Variants in CHRM3 observed in about 807,000 individuals in gnomAD.
CHRM3 encodes muscarinic acetylcholine receptor M3.
A neutral mutation model predicts 41.8 loss-of-function variants in CHRM3; 11 were observed. The observed-to-expected ratio is 0.26, with a 90% CI of 0.17 to 0.44. The LOEUF (loss-of-function observed/expected upper bound fraction) is 0.44, where lower values mean the gene tolerates loss of function less well. Ranked by LOEUF, CHRM3 falls within the 20% of genes least tolerant of loss-of-function variation. The pLI is 1.00. For missense variants in CHRM3, 571 were observed against 745.4 expected, an observed-to-expected ratio of 0.77 and a Z score of 2.72; for synonymous variants, 297 against 301.4, an observed-to-expected ratio of 0.99 and a Z score of 0.15.
chr1:239,508,652 G>A (rs1309729855), intron 2 of CHRM3, among the ~76,000 whole-genome samples: 5 of 152,126 alleles, frequency 3.3e-5, no homozygotes, highest in African/African-American at 7.2e-5. Context: ...ACGTTCTTAC[G>A]AAATCAGCCC....
At chr1:239,572,848 G>A (rs1206504363) in intron 3 of CHRM3, among the ~76,000 whole-genome samples, 13 of 152,146 alleles carry the variant, frequency 8.5e-5, no homozygotes, top group Admixed American at 8.5e-4. Context: ...ATTCCACAAA[G>A]CACTTCAGAG....
At chr1:239,851,983 A>G (rs1221957082) in intron 6 of CHRM3, among the ~76,000 whole-genome samples, 1 of 152,124 alleles carries the variant, frequency 6.6e-6, no homozygotes, top group Non-Finnish European at 1.5e-5. Context: ...TATTTTAACA[A>G]AATTCCTGGG....
At chr1:239,667,307 C>A (rs1015420011) in intron 4 of CHRM3, among the ~76,000 whole-genome samples, 6 of 152,148 alleles carry the variant, frequency 3.9e-5, no homozygotes, top group African/African-American at 1.2e-4. Context: ...TGTTCCCTTG[C>A]CTTATAAAAA....
intron 3 of CHRM3, among the ~76,000 whole-genome samples, chr1:239,602,090 A>ATATGTGTGTGTG (rs371232279): frequency 0.029 from 3,793 of 131,078 alleles, 136 homozygotes; most frequent in East Asian, 0.13. Flanking sequence ...ACATATATAC[A>ATATGTGTGTGTG]TGTGTGTGTG....
At chr1:239,417,219 A>G (rs1391327234) in intron 1 of CHRM3, among the ~76,000 whole-genome samples, 1 of 152,240 alleles carries the variant, frequency 6.6e-6, no homozygotes. Context: ...TGTTTTCAAA[A>G]GGAAAAATGT....
intron 1 of CHRM3, among the ~76,000 whole-genome samples, chr1:239,435,203 G>GCA (rs78457339): frequency 0.29 from 43,353 of 151,952 alleles, 6,289 homozygotes; most frequent in South Asian, 0.32. Flanking sequence ...TGTAATCCCA[G>GCA]CACTTCGGGA....
chr1:239,466,460 A>G (rs1665738938), intron 1 of CHRM3, among the ~76,000 whole-genome samples: 1 of 152,204 alleles, frequency 6.6e-6, no homozygotes, highest in Non-Finnish European at 1.5e-5. Context: ...CTTCTGGTTA[A>G]CAATAAACAA....
At chr1:239,722,591 C>T (rs1663077146) in intron 5 of CHRM3, among the ~76,000 whole-genome samples, 2 of 151,844 alleles carry the variant, frequency 1.3e-5, no homozygotes, top group African/African-American at 4.8e-5. Flanking sequence ...TCATTAAGCA[C>T]TCTGAGCAAT....
At chr1:239,552,538 T>G (rs61836572) in intron 3 of CHRM3, among the ~76,000 whole-genome samples, 40,258 of 146,690 alleles carry the variant, frequency 0.27, 6,598 homozygotes, top group Middle Eastern at 0.51. Context: ...ATAAGCTCAC[T>G]GCAGCCTCAA....
chr1:239,795,038 C>A (rs753764902), intron 5 of CHRM3, among the ~76,000 whole-genome samples: 1 of 152,134 alleles, frequency 6.6e-6, no homozygotes, highest in South Asian at 2.1e-4. Context: ...ACTAACCAAT[C>A]TTTATGATAT....
rs1363837726 is a variant in CHRM3, at chr1:239,909,066, G to A, written c.1615G>A (p.Val539Met). ...GYWLCYINST[V>M]NPVCYALCNK... The stretch of plus-strand genomic sequence containing the variant: ...CTGGCTGTGCTACATCAACAGCACC[G>A]TGAACCCCGTGTGCTATGCTCTGTG... Residue 539 changes from valine to methionine, a missense_variant, in exon 7 of 7, where the codon GTG becomes ATG. Around this residue, in one of 5 missense-constraint regions of CHRM3, gnomAD observed 43 missense variants for 93.7 expected, o/e 0.46. Transcript: ENST00000676153. The A allele has an allele frequency of 7.4e-6, 12 of 1,613,990 alleles. No homozygotes were observed. Among genetic ancestry groups the A allele is most frequent in the East Asian group, 2.2e-5 (1 of 44,884 alleles).
intron 6 of CHRM3, among the ~76,000 whole-genome samples, chr1:239,868,228 T>A (rs2149307027): frequency 6.6e-6 from 1 of 152,326 alleles, no homozygotes; most frequent in South Asian, 2.1e-4. Flanking sequence ...TCCTGCGGCG[T>A]GATGCCGTGA....
At chr1:239,768,923 C>A (rs1356470295) in intron 5 of CHRM3, among the ~76,000 whole-genome samples, 1 of 152,126 alleles carries the variant, frequency 6.6e-6, no homozygotes, top group Non-Finnish European at 1.5e-5. Flanking sequence ...CGCCACCATG[C>A]CCAACTAATT....
At chr1:239,872,622 C>G (rs1005834167) in intron 6 of CHRM3, among the ~76,000 whole-genome samples, 1 of 152,158 alleles carries the variant, frequency 6.6e-6, no homozygotes, top group African/African-American at 2.4e-5. Flanking sequence ...CATCTGCAGT[C>G]TACTTTTATA....
chr1:239,747,888 T>C (rs528358652), intron 5 of CHRM3, among the ~76,000 whole-genome samples: 1 of 151,700 alleles, frequency 6.6e-6, no homozygotes, highest in South Asian at 2.1e-4. Flanking sequence ...AGAAAAAAAA[T>C]TAGCTGGGCA....
At chr1:239,518,312 A>T (rs951182754) in intron 2 of CHRM3, among the ~76,000 whole-genome samples, 11 of 152,326 alleles carry the variant, frequency 7.2e-5, no homozygotes, top group African/African-American at 2.4e-4. Context: ...AAGAGAATCA[A>T]ATGAATGTGA....
rs1680235151 is a variant in CHRM3 at position 239,909,442 on chromosome 1, A to AAT, written c.*222_*223dup. On this transcript the variant is annotated 3_prime_UTR_variant, in exon 7 of 7. Transcript: ENST00000676153. ...AAAAGAAAAAAAAAACATACTACTG[A>AAT]ATATAAAGAAATTTATTCTGAAATA... 2.2e-6 allele frequency: 1 copy of AAT among 463,292 alleles called. No individual in the cohort carries two copies. Among genetic ancestry groups the AAT allele is most frequent in the Non-Finnish European group, 3.9e-6 (1 of 256,452 alleles). 28.7% of individuals were successfully genotyped at this position (463,292 alleles called of 1,614,324 possible).
chr1:239,643,473 T>C (rs547853785), intron 4 of CHRM3, among the ~76,000 whole-genome samples: 16 of 152,298 alleles, frequency 1.1e-4, no homozygotes, highest in East Asian at 9.7e-4. Context: ...TGGGCAATGG[T>C]GGGCGCCCCT....
intron 3 of CHRM3, among the ~76,000 whole-genome samples, chr1:239,608,816 A>G (rs1306499999): frequency 2.0e-5 from 3 of 152,236 alleles, no homozygotes; most frequent in Non-Finnish European, 2.9e-5. Context: ...TTTTAACTTC[A>G]CAAATAGATT....
Sources: allele counts gnomAD v4.1 joint callset (sites outside exome capture counted in the v4.1 genomes callset), GRCh38; gene constraint gnomAD v4.1.1; regional missense constraint gnomAD v4.1.1; transcripts MANE v1.5; gene names NCBI Gene and HGNC (gene_info 2026-07-23, HGNC 2026-07-21).